The following VPS13B variants were observed in gnomAD, a reference collection of about 807,000 sequenced individuals.
VPS13B encodes the protein vacuolar protein sorting 13 homolog B.
A neutral mutation model predicts 426.4 loss-of-function variants in VPS13B; 285 were observed. The ratio of observed to expected loss-of-function variants is 0.67; its 90% CI spans 0.61 to 0.74. The LOEUF (loss-of-function observed/expected upper bound fraction) is 0.74. Ranked by LOEUF, VPS13B falls within the 30% of genes least tolerant of loss-of-function variation. The probability of loss-of-function intolerance (pLI) is 0.00; values close to 1 mark genes in which losing one functional copy is unlikely to be tolerated. For synonymous variants in VPS13B, 1,676 were observed against 1,676.4 expected (o/e 1.00, Z 0.01); for missense variants, 4,537 against 4,782.6 (o/e 0.95, Z 1.51).
At chr8:99,152,505 A>G (rs973826558) in intron 14 of VPS13B, among the ~76,000 whole-genome samples, 3 of 152,216 alleles carry the variant, frequency 2.0e-5, no homozygotes, top group African/African-American at 7.2e-5. Flanking sequence ...GATGTCTATT[A>G]TATCTGGTTG....
intron 31 of VPS13B, among the ~76,000 whole-genome samples, chr8:99,574,367 C>G (rs913704291): frequency 1.3e-4 from 20 of 152,124 alleles, no homozygotes; most frequent in African/African-American, 4.6e-4. Context: ...GAGGGCATTC[C>G]CTGTCTTGTG....
intron 35 of VPS13B, chr8:99,697,678 G>T: frequency 1.6e-6 from 1 of 643,402 alleles, no homozygotes; most frequent in Non-Finnish European, 2.9e-6. Flanking sequence ...CGGGCAGATC[G>T]AGGGCTTGAT....
chr8:99,316,310 G>T (rs562872684), intron 19 of VPS13B, among the ~76,000 whole-genome samples: 18 of 152,302 alleles, frequency 1.2e-4, no homozygotes, highest in Admixed American at 4.6e-4. Flanking sequence ...GGAGGGCAGG[G>T]AATGTCAGTG....
intron 23 of VPS13B, among the ~76,000 whole-genome samples, chr8:99,458,188 A>G (rs1422486823): frequency 6.6e-6 from 1 of 150,480 alleles, no homozygotes; most frequent in Non-Finnish European, 1.5e-5. Context: ...TGTCCTTGTG[A>G]TAGTTTGCTG....
At chr8:99,830,930 C>G (rs1215476914) in intron 51 of VPS13B, among the ~76,000 whole-genome samples, 1 of 152,054 alleles carries the variant, frequency 6.6e-6, no homozygotes, top group South Asian at 2.1e-4. Context: ...TGGGCTGCAC[C>G]CACTGTCTAA....
chr8:99,028,768 G>T, intron 2 of VPS13B, among the ~76,000 whole-genome samples: 1 of 138,890 alleles, frequency 7.2e-6, no homozygotes, highest in East Asian at 2.3e-4. Context: ...GGGCAGAGGG[G>T]CTCCTCACTT....
rs568099578 is a variant in VPS13B at position 99,461,709 on chromosome 8, A to G, written c.3446-5705A>G. ...TTCTCCTAGAATGTTTCTCTTCCAA[A>G]TAGTCCCACAGCTCACTCTCTGAAG... On this transcript the variant is annotated intron_variant, in intron 23 of 61. Coordinates refer to ENST00000357162, the MANE Select transcript of VPS13B (RefSeq NM_152564.5). 4.6e-5 allele frequency among the ~76,000 whole-genome samples: 7 copies of G among 152,228 alleles called. No individual in the cohort carries two copies. In the South Asian group the frequency reaches 1.5e-3, roughly 32 times the overall value.
At chr8:99,512,311 C>T (rs1386967360) in intron 29 of VPS13B, among the ~76,000 whole-genome samples, 1 of 152,148 alleles carries the variant, frequency 6.6e-6, no homozygotes, top group East Asian at 1.9e-4. Context: ...AAGAGTTAGT[C>T]TTTATTTACC....
At chr8:99,211,779 A>G (rs1815101863) in intron 17 of VPS13B, among the ~76,000 whole-genome samples, 1 of 152,106 alleles carries the variant, frequency 6.6e-6, no homozygotes, top group Non-Finnish European at 1.5e-5. Flanking sequence ...AAAATTACTT[A>G]TGCTTTCTGT....
At chr8:99,270,632 A>G (rs865788712) in intron 17 of VPS13B, among the ~76,000 whole-genome samples, 6 of 152,220 alleles carry the variant, frequency 3.9e-5, no homozygotes, top group Admixed American at 2.0e-4. Context: ...TTGCTCTTGT[A>G]TATACCGGAA....
intron 19 of VPS13B, among the ~76,000 whole-genome samples, chr8:99,339,947 A>G (rs1054809950): frequency 6.6e-5 from 10 of 152,228 alleles, no homozygotes; most frequent in African/African-American, 1.7e-4. Context: ...ACAAATAACA[A>G]AACAATGTGG....
intron 3 of VPS13B, chr8:99,092,009 G>A (rs1322137027): frequency 6.6e-6 from 1 of 152,118 alleles, no homozygotes; most frequent in Non-Finnish European, 1.5e-5. Flanking sequence ...CTTCAATGAT[G>A]TAGTCACTTG....
intron 19 of VPS13B, among the ~76,000 whole-genome samples, chr8:99,324,616 G>A (rs1014779521): frequency 1.3e-5 from 2 of 152,096 alleles, no homozygotes; most frequent in Non-Finnish European, 2.9e-5. Context: ...AAGAAAAAAT[G>A]TCCTGTTCCT....
intron 39 of VPS13B, among the ~76,000 whole-genome samples, chr8:99,733,136 A>G (rs1833671361): frequency 6.6e-6 from 1 of 152,238 alleles, no homozygotes; most frequent in South Asian, 2.1e-4. Context: ...GTCTGGTACC[A>G]TCTTTTATGA....
At chr8:99,290,658 A>T (rs1819681007) in intron 19 of VPS13B, among the ~76,000 whole-genome samples, 1 of 143,698 alleles carries the variant, frequency 7.0e-6, no homozygotes, top group Non-Finnish European at 1.5e-5. Context: ...GTATAATAAT[A>T]AAAAAAAAAA....
intron 19 of VPS13B, among the ~76,000 whole-genome samples, chr8:99,344,595 G>A (rs2133194456): frequency 6.6e-6 from 1 of 152,198 alleles, no homozygotes; most frequent in East Asian, 1.9e-4. Flanking sequence ...ACCCATATTT[G>A]TATTGTGAGA....
At position 99,029,331 on chromosome 8, in the gene VPS13B, G is replaced by A. The variant is rs975592140; in HGVS notation, c.148-9092G>A. 4.0e-5 allele frequency among the ~76,000 whole-genome samples: 6 copies of A among 151,078 alleles called. No homozygotes were observed. The East Asian group carries it at 6.0e-4, about 15-fold the overall frequency. On this transcript the variant is annotated intron_variant, in intron 2 of 61. Transcript: ENST00000357162. ...GCAGAGGGCTCCTCACATCCCAGAC[G>A]ATGGGCGGCCAGGCAGAGACGCTCC...
At chr8:99,586,653 C>G (rs529024352) in intron 33 of VPS13B, among the ~76,000 whole-genome samples, 5 of 152,052 alleles carry the variant, frequency 3.3e-5, no homozygotes, top group African/African-American at 4.8e-5. Flanking sequence ...CCCTAAAACA[C>G]AGAGCAATTA....
At chr8:99,634,849 G>A (rs574640256) in intron 33 of VPS13B, among the ~76,000 whole-genome samples, 2 of 151,980 alleles carry the variant, frequency 1.3e-5, no homozygotes, top group South Asian at 4.1e-4. Flanking sequence ...GCACATCACT[G>A]AGTTGAGATG....
Sources: gnomAD v4.1 joint callset for allele counts (sites outside exome capture counted in the v4.1 genomes callset) on GRCh38, gnomAD v4.1.1 for gene constraint, MANE v1.5 for transcripts, NCBI Gene and HGNC (gene_info 2026-07-23, HGNC 2026-07-21) for gene names.